PTPRK: variants seen among roughly 807,000 people sequenced by gnomAD.
PTPRK encodes the protein protein tyrosine phosphatase receptor type K, also known as receptor-type tyrosine-protein phosphatase kappa.
PTPRK carries 75 observed loss-of-function variants against 178.0 expected under a neutral mutation model. That is an observed-to-expected ratio of 0.42 (90% CI 0.35 to 0.51). The LOEUF (loss-of-function observed/expected upper bound fraction) is 0.51, where lower values mean the gene tolerates loss of function less well. PTPRK is among the 20% of genes least tolerant of loss of function. The pLI, the probability that PTPRK is intolerant of heterozygous loss-of-function variation, is 0.02. For synonymous variants in PTPRK, 637 were observed against 620.6 expected, an observed-to-expected ratio of 1.03 and a Z score of -0.39; for missense variants, 1,441 against 1,797.8, an observed-to-expected ratio of 0.80 and a Z score of 3.59.
chr6:128,316,802 C>T (rs1828062808), intron 3 of PTPRK, among the ~76,000 whole-genome samples: 2 of 151,590 alleles, frequency 1.3e-5, no homozygotes, highest in South Asian at 4.2e-4. Context: ...ACTGCAACCT[C>T]CGCCTCCTGG....
intron 5 of PTPRK, 32 bp downstream of exon 5, chr6:128,240,003 A>G (rs770204810): frequency 1.3e-6 from 2 of 1,501,492 alleles, no homozygotes; most frequent in Non-Finnish European, 1.9e-6. Flanking sequence ...CATAAAGTAT[A>G]CTCTTTAGCT....
chr6:128,094,437 G>A (rs1016517545), intron 7 of PTPRK, among the ~76,000 whole-genome samples: 7 of 152,040 alleles, frequency 4.6e-5, no homozygotes, highest in African/African-American at 1.7e-4. Context: ...AAAACTTGGT[G>A]GTTACTTGGA....
intron 7 of PTPRK, among the ~76,000 whole-genome samples, chr6:128,101,191 TACTA>T (rs1237952993): frequency 6.6e-6 from 1 of 152,088 alleles, no homozygotes; most frequent in Non-Finnish European, 1.5e-5. Flanking sequence ...TCTGTGAATA[TACTA>T]ACTTAGTATT....
chr6:128,224,864 C>T (rs1364551330), intron 5 of PTPRK, among the ~76,000 whole-genome samples: 3 of 152,144 alleles, frequency 2.0e-5, no homozygotes, highest in Admixed American at 1.3e-4. Flanking sequence ...AAGGGAAATG[C>T]TGATGCACTC....
intron 3 of PTPRK, among the ~76,000 whole-genome samples, chr6:128,245,249 T>C (rs957207916): frequency 6.7e-6 from 1 of 150,260 alleles, no homozygotes; most frequent in Admixed American, 6.6e-5. Flanking sequence ...AAAACTTTAC[T>C]ACATTGCTTC....
At chr6:128,484,256 G>GT (rs1852506489) in intron 1 of PTPRK, among the ~76,000 whole-genome samples, 1 of 152,026 alleles carries the variant, frequency 6.6e-6, no homozygotes, top group South Asian at 2.1e-4. Context: ...GCAAACCTAT[G>GT]TTTTCTCAAA....
At chr6:128,126,174 C>T (rs770039776) in intron 7 of PTPRK, among the ~76,000 whole-genome samples, 3 of 151,838 alleles carry the variant, frequency 2.0e-5, no homozygotes, top group African/African-American at 7.3e-5. Context: ...AGGTTTTAAG[C>T]CCCGCATGCA....
intron 2 of PTPRK, among the ~76,000 whole-genome samples, chr6:128,365,174 A>G (rs1363890148): frequency 6.6e-6 from 1 of 152,048 alleles, no homozygotes; most frequent in Non-Finnish European, 1.5e-5. Context: ...AATATACAAC[A>G]CAAAGTAGAT....
chr6:128,264,487 T>G (rs1345564664), intron 3 of PTPRK, among the ~76,000 whole-genome samples: 1 of 152,118 alleles, frequency 6.6e-6, no homozygotes, highest in Non-Finnish European at 1.5e-5. Context: ...ATTTTTAATT[T>G]TATTATTTTT....
At chr6:128,470,040 T>C (rs1342161212) in intron 1 of PTPRK, among the ~76,000 whole-genome samples, 2 of 152,182 alleles carry the variant, frequency 1.3e-5, no homozygotes, top group African/African-American at 4.8e-5. Context: ...GCCGCTAACT[T>C]TGTTGCAATT....
chr6:128,249,769 T>C (rs963034149), intron 3 of PTPRK, among the ~76,000 whole-genome samples: 20 of 152,066 alleles, frequency 1.3e-4, no homozygotes, highest in African/African-American at 4.6e-4. Flanking sequence ...CCCAAGTTCA[T>C]CATGAGTAGA....
At chr6:128,467,856 A>G (rs918951262) in intron 1 of PTPRK, among the ~76,000 whole-genome samples, 2 of 147,174 alleles carry the variant, frequency 1.4e-5, no homozygotes, top group Admixed American at 1.3e-4. Context: ...AGCAAATGTA[A>G]CTGTCCCATT....
chr6:128,317,610 C>T (rs186651944), intron 3 of PTPRK, among the ~76,000 whole-genome samples: 1 of 152,046 alleles, frequency 6.6e-6, no homozygotes, highest in Non-Finnish European at 1.5e-5. Context: ...GGAGAATAGT[C>T]ATCTAAAAAT....
At chr6:128,296,100 C>T (rs555486115) in intron 3 of PTPRK, among the ~76,000 whole-genome samples, 21 of 152,194 alleles carry the variant, frequency 1.4e-4, no homozygotes, top group Admixed American at 4.6e-4. Flanking sequence ...AGTGACCTGA[C>T]TCAATTCCCT....
rs756655352 is a variant in PTPRK at position 127,977,059 on chromosome 6, G to A, written c.3712-5C>T. On this transcript the variant is annotated splice_region_variant and splice_polypyrimidine_tract_variant and intron_variant, in intron 25 of 29. Coordinates refer to ENST00000368226, the MANE Select transcript of PTPRK (RefSeq NM_002844.4). ...AGCAGCTGGTTGCCTGTAGCTCTGT[G>A]AAGAAACAAGGTAGATGGAGAAATA... 2 of 1,613,250 alleles carry A rather than the reference G, an allele frequency of 1.2e-6. No individual in the cohort carries two copies. Among genetic ancestry groups the A allele is most frequent in the Non-Finnish European group, 8.5e-7 (1 of 1,179,292 alleles).
intron 8 of PTPRK, among the ~76,000 whole-genome samples, chr6:128,087,316 G>A (rs945913886): frequency 2.0e-5 from 3 of 151,968 alleles, no homozygotes; most frequent in Admixed American, 2.0e-4. Context: ...TACCAATTAG[G>A]ACATGATTTT....
At chr6:128,117,877 T>C (rs1348766190) in intron 7 of PTPRK, among the ~76,000 whole-genome samples, 1 of 152,168 alleles carries the variant, frequency 6.6e-6, no homozygotes, top group African/African-American at 2.4e-5. Flanking sequence ...GGTCTCGAAC[T>C]CCTGACCTCA....
At chr6:128,171,445 C>G (rs1211992690) in intron 7 of PTPRK, among the ~76,000 whole-genome samples, 1 of 151,976 alleles carries the variant, frequency 6.6e-6, no homozygotes, top group Non-Finnish European at 1.5e-5. Context: ...TCAAGGCAGG[C>G]ACTTGTAATA....
At chr6:128,410,874 T>C (rs980580288) in intron 1 of PTPRK, among the ~76,000 whole-genome samples, 3 of 152,190 alleles carry the variant, frequency 2.0e-5, no homozygotes, top group African/African-American at 7.2e-5. Context: ...AAAACTTCCT[T>C]ACCAGCCTTA....
Sources: gnomAD v4.1 joint callset for allele counts (sites outside exome capture counted in the v4.1 genomes callset) on GRCh38, gnomAD v4.1.1 for gene constraint, MANE v1.5 for transcripts, NCBI Gene and HGNC (gene_info 2026-07-23, HGNC 2026-07-21) for gene names.